The following PCDHGB1 variants were observed in gnomAD, a reference collection of about 807,000 sequenced individuals.
The protein encoded by PCDHGB1 is protocadherin gamma-B1.
Under a neutral mutation model 56.6 loss-of-function variants are expected in PCDHGB1, and 34 were observed. The observed-to-expected ratio is 0.60, with a 90% CI of 0.46 to 0.80. The LOEUF is 0.80. Among genes scored for constraint, PCDHGB1 ranks in the 30% least tolerant of loss-of-function variants. PCDHGB1 has a pLI of 0.00. For missense variants in PCDHGB1, 1,278 were observed against 1,204.6 expected (o/e 1.06, Z -0.90); for synonymous variants, 561 against 505.9 (o/e 1.11, Z -1.46).
chr5:141,439,124 C>A (rs550781116), intron 1 of PCDHGB1, among the ~76,000 whole-genome samples: 332 of 150,120 alleles, frequency 2.2e-3, no homozygotes, highest in Non-Finnish European at 3.9e-3. Context: ...ACCCGGGAGA[C>A]AGAGGTTGCA....
chr5:141,419,660 A>C (rs759082983), intron 1 of PCDHGB1: 1 of 1,612,798 alleles, frequency 6.2e-7, no homozygotes, highest in Admixed American at 1.7e-5. Context: ...CTCGGGGCAC[A>C]ATGCCTGGCT....
rs752660585 is a variant in PCDHGB1 at position 141,400,337 on chromosome 5, C to A, written c.2409+47668C>A. The A allele has an allele frequency of 6.6e-5, 106 of 1,613,962 alleles. No homozygotes were observed. The Admixed American group carries it at 1.7e-3, about 26-fold the overall frequency. ...GTCAAGTCTGGACCTGTGGTTCCCC[C>A]CAACTACAGTCAGGGGACTTTGCCT... On this transcript the variant is annotated intron_variant, in intron 1 of 3. Transcript: ENST00000523390.
At chr5:141,421,088 C>A in intron 1 of PCDHGB1, 2 of 659,434 alleles carry the variant, frequency 3.0e-6, no homozygotes, top group South Asian at 4.0e-5. Flanking sequence ...CTCACAGATC[C>A]TGACACTGGA....
At chr5:141,384,645 A>G in intron 1 of PCDHGB1, 1 of 1,614,218 alleles carries the variant, frequency 6.2e-7, no homozygotes, top group Non-Finnish European at 8.5e-7. Flanking sequence ...CCCGCTCCGC[A>G]GAGCCCGGCT....
At chr5:141,382,772 C>G (rs1778420393) in intron 1 of PCDHGB1, 1 of 776,996 alleles carries the variant, frequency 1.3e-6, no homozygotes, top group Non-Finnish European at 2.0e-6. Context: ...CCAGGCTGCA[C>G]TAAACTCAAG....
intron 1 of PCDHGB1, chr5:141,360,615 A>T: frequency 6.2e-7 from 1 of 1,614,042 alleles, no homozygotes; most frequent in Non-Finnish European, 8.5e-7. Flanking sequence ...CCCTGGATTC[A>T]GATGTTGGTC....
chr5:141,431,776 C>T lies in PCDHGB1; in HGVS notation c.2410-63031C>T. 6.2e-7 allele frequency: 1 copy of T among 1,614,228 alleles called. No individual in the cohort carries two copies. The stretch of plus-strand genomic sequence containing the variant: ...CCAAAGTCCTGATCACTGTTCTGGA[C>T]GTGAACGACAATGCCCCAGAAGTGG... On this transcript the variant is annotated intron_variant, in intron 1 of 3. Coordinates refer to ENST00000523390, the MANE Select transcript of PCDHGB1 (RefSeq NM_018922.3). The surrounding 1 kb of genome is among the most constrained non-coding windows in gnomAD (Gnocchi z 4.8).
intron 1 of PCDHGB1, among the ~76,000 whole-genome samples, chr5:141,446,482 C>CT (rs112180482): frequency 6.3e-4 from 92 of 147,004 alleles, no homozygotes; most frequent in East Asian, 4.0e-3. Context: ...GGTCATCATT[C>CT]TTTTTTTTTT....
intron 1 of PCDHGB1, chr5:141,355,260 G>A (rs781255825): frequency 2.5e-6 from 4 of 1,613,544 alleles, no homozygotes; most frequent in Admixed American, 3.3e-5. Flanking sequence ...GCCTTCTCCT[G>A]GGGGTTCTGG....
Position 141,476,091 on chromosome 5 carries a change from G to T in PCDHGB1, c.2410-18716G>T, listed in dbSNP as rs1470774975. The T allele has an allele frequency of 1.3e-6, 2 of 1,563,074 alleles. No homozygotes were observed. Among genetic ancestry groups the T allele is most frequent in the Non-Finnish European group, 1.7e-6 (2 of 1,159,286 alleles). On this transcript the variant is annotated intron_variant, in intron 1 of 3. Coordinates refer to ENST00000523390, the MANE Select transcript of PCDHGB1 (RefSeq NM_018922.3). This position sits in a 1 kb window ranked among gnomAD's most constrained non-coding sequence, Gnocchi z 7.6. ...AAATCTCAGGGACGATCTGGACCCC[G>T]CTGAGAGGAACTGCTTTTGAGTGAG...
Position 141,487,367 on chromosome 5 carries a change from G to A in PCDHGB1, c.2410-7440G>A. 1 of 1,614,204 alleles carries A rather than the reference G, an allele frequency of 6.2e-7. No individual in the cohort carries two copies. The highest frequency in any genetic ancestry group is 8.5e-7 in the Non-Finnish European group (1 of 1,180,030). ...CACATGCTTTCCTGCTGGCACCTGT[G>A]CCTGTCTCACCAGATCTCGAAGGAG... On this transcript the variant is annotated intron_variant, in intron 1 of 3. Coordinates refer to ENST00000523390, the MANE Select transcript of PCDHGB1 (RefSeq NM_018922.3). This position sits in a 1 kb window ranked among gnomAD's most constrained non-coding sequence, Gnocchi z 5.0.
Position 141,352,341 on chromosome 5 carries a change from T to C in PCDHGB1, c.2081T>C (p.Leu694Ser), listed in dbSNP as rs1057492750. 6.2e-7 allele frequency: 1 copy of C among 1,614,076 alleles called. No individual in the cohort carries two copies. The highest frequency in any genetic ancestry group is 8.5e-7 in the Non-Finnish European group (1 of 1,179,914). Residue 694 changes from leucine (L) to serine (S), a missense_variant, in exon 1 of 4, where the codon TTG becomes TCG. Transcript: ENST00000523390. ...LQFYLVVALA[L>S]ISVLFLLAVI... ...TTTTACCTGGTTGTGGCCTTGGCCT[T>C]GATCTCAGTGCTCTTTCTCCTCGCG...
intron 3 of PCDHGB1, among the ~76,000 whole-genome samples, chr5:141,509,044 C>G (rs1385744160): frequency 1.3e-5 from 2 of 152,130 alleles, no homozygotes. Flanking sequence ...CCCTCTCCCC[C>G]GCCCCCAGAA....
At chr5:141,399,511 C>T in intron 1 of PCDHGB1, 1 of 1,614,042 alleles carries the variant, frequency 6.2e-7, no homozygotes, top group Non-Finnish European at 8.5e-7. Context: ...CGAAAACAAC[C>T]CTCCTGGGGC....
chr5:141,456,043 G>A (rs62379189), intron 1 of PCDHGB1, among the ~76,000 whole-genome samples: 6,917 of 151,746 alleles, frequency 0.046, 202 homozygotes, highest in Middle Eastern at 0.086. Flanking sequence ...GACTACAGGC[G>A]CCCACCACCA....
At chr5:141,362,396 T>C in intron 1 of PCDHGB1, 1 of 1,614,058 alleles carries the variant, frequency 6.2e-7, no homozygotes, top group African/African-American at 1.3e-5. Context: ...TCCTACAACC[T>C]GTGTGTTGCC....
chr5:141,370,017 C>T lies in PCDHGB1; in HGVS notation c.2409+17348C>T, dbSNP rs1160186023. Among the ~76,000 whole-genome samples the T allele has an allele frequency of 2.0e-5, 3 of 152,276 alleles. No individual in the cohort carries two copies. In the East Asian group the frequency reaches 5.8e-4, roughly 29 times the overall value. On this transcript the variant is annotated intron_variant, in intron 1 of 3. Transcript: ENST00000523390. Reference sequence around the variant, plus strand: ...AGCTCAAATTAAAAGAAATAACAGACTAAAGATATAGTAAGTATATTTAAT... The same window carrying T: ...AGCTCAAATTAAAAGAAATAACAGATTAAAGATATAGTAAGTATATTTAAT...
intron 1 of PCDHGB1, among the ~76,000 whole-genome samples, chr5:141,402,239 T>A (rs1361940803): frequency 6.6e-6 from 1 of 152,066 alleles, no homozygotes; most frequent in African/African-American, 2.4e-5. Flanking sequence ...AGGAATTTTA[T>A]CATCAAAATA....
chr5:141,371,968 T>C (rs768442022), intron 1 of PCDHGB1: 3 of 1,613,154 alleles, frequency 1.9e-6, no homozygotes, highest in Admixed American at 1.7e-5. Context: ...CACGAGCAGC[T>C]GCGTGCCTTC....
Sources: allele counts gnomAD v4.1 joint callset (sites outside exome capture counted in the v4.1 genomes callset), GRCh38; gene constraint gnomAD v4.1.1; non-coding constraint Gnocchi (gnomAD v3.1); transcripts MANE v1.5; gene names NCBI Gene and HGNC (gene_info 2026-07-23, HGNC 2026-07-21).